Variants in RNF169 observed in about 807,000 individuals in gnomAD.
RNF169 encodes the protein E3 ubiquitin-protein ligase RNF169.
In RNF169, 24 loss-of-function variants were observed where a neutral mutation model predicts 53.9. That is an observed-to-expected ratio of 0.45 (90% CI 0.32 to 0.63). The LOEUF (loss-of-function observed/expected upper bound fraction) is 0.63. Among genes scored for constraint, RNF169 ranks in the 20% least tolerant of loss-of-function variants. RNF169 has a pLI of 0.04. For synonymous variants in RNF169, 396 were observed against 363.5 expected, an observed-to-expected ratio of 1.09 and a Z score of -1.02; for missense variants, 883 against 906.2, an observed-to-expected ratio of 0.97 and a Z score of 0.33.
rs1407979639 is a variant in RNF169 at position 74,842,004 on chromosome 11, A to AT, written c.*5274_*5275insT. 6.7e-6 allele frequency: 1 copy of AT among 149,620 alleles called. No individual in the cohort carries two copies. The highest frequency in any genetic ancestry group is 2.6e-5 in the African/African-American group (1 of 39,134). 9.3% of individuals were successfully genotyped at this position (149,620 alleles called of 1,614,324 possible). ...GAAAAAAATTTAAATGCCAACGAAT[A>AT]GTTTTTTTTTTTTTGAACCTGATAC... On this transcript the variant is annotated 3_prime_UTR_variant, in exon 6 of 6. Transcript: ENST00000299563.
Position 74,836,880 on chromosome 11 carries a change from C to A in RNF169, c.*150C>A. The A allele has an allele frequency of 1.6e-6, 1 of 638,658 alleles. No homozygotes were observed. Among genetic ancestry groups the A allele is most frequent in the Non-Finnish European group, 2.6e-6 (1 of 382,454 alleles). 39.6% of individuals were successfully genotyped at this position (638,658 alleles called of 1,614,324 possible). ...GTTCCAGGGCCTTTGTAGTCAATAT[C>A]CAAGGGAAAAGCATCTCCGTTTCTC... is the stretch of plus-strand genomic sequence containing the variant. On this transcript the variant is annotated 3_prime_UTR_variant, in exon 6 of 6. Transcript: ENST00000299563.
chr11:74,806,499 C>T (rs1201356102), intron 2 of RNF169, among the ~76,000 whole-genome samples: 2 of 152,012 alleles, frequency 1.3e-5, no homozygotes, highest in Admixed American at 1.3e-4. Flanking sequence ...ATACATATTC[C>T]GTAATATTTT....
chr11:74,798,809 G>A (rs570353897), intron 2 of RNF169, among the ~76,000 whole-genome samples: 251 of 152,096 alleles, frequency 1.7e-3, no homozygotes, highest in Non-Finnish European at 3.1e-3. Flanking sequence ...CAAGCTGGCC[G>A]ATGCTTAAGG....
At chr11:74,750,080 A>T (rs900823107) in intron 1 of RNF169, among the ~76,000 whole-genome samples, 1 of 152,174 alleles carries the variant, frequency 6.6e-6, no homozygotes, top group Non-Finnish European at 1.5e-5. Context: ...GGCTGCTTCT[A>T]TCTCCTTGGC....
chr11:74,753,078 C>T (rs1565167725), intron 1 of RNF169, among the ~76,000 whole-genome samples: 1 of 152,198 alleles, frequency 6.6e-6, no homozygotes, highest in Non-Finnish European at 1.5e-5. Flanking sequence ...AAGCGATTCT[C>T]CTGTCTCCAT....
At chr11:74,832,603 G>A (rs902951807) in intron 4 of RNF169, 5 of 152,100 alleles carry the variant, frequency 3.3e-5, no homozygotes, top group African/African-American at 1.2e-4. Context: ...GGAGCTCAGT[G>A]TCTTCCCAGG....
rs531889973 is a variant in RNF169 at position 74,788,785 on chromosome 11, G to A, written c.503-841G>A. Among the ~76,000 whole-genome samples the A allele has an allele frequency of 3.9e-5, 6 of 152,126 alleles. No individual in the cohort carries two copies. The South Asian group carries it at 1.2e-3, about 32-fold the overall frequency. Reference sequence around the variant, plus strand: ...CCTTATTAATTTTTGCTGTGTTGTAGGTTCATACAGGTTTTATTGTTACAT... The same window carrying A: ...CCTTATTAATTTTTGCTGTGTTGTAAGTTCATACAGGTTTTATTGTTACAT... On this transcript the variant is annotated intron_variant, in intron 1 of 5. Coordinates refer to ENST00000299563, the MANE Select transcript of RNF169 (RefSeq NM_001098638.2).
At chr11:74,795,892 T>C (rs2035642564) in intron 2 of RNF169, among the ~76,000 whole-genome samples, 1 of 152,182 alleles carries the variant, frequency 6.6e-6, no homozygotes. Context: ...CATGGTTTTG[T>C]TGGATGTTAA....
chr11:74,752,987 G>A (rs2034923764), intron 1 of RNF169, among the ~76,000 whole-genome samples: 1 of 151,950 alleles, frequency 6.6e-6, no homozygotes, highest in Admixed American at 6.6e-5. Context: ...TTTATTTTTT[G>A]AGACAGAGTC....
intron 1 of RNF169, among the ~76,000 whole-genome samples, chr11:74,775,026 T>G (rs988839869): frequency 6.6e-6 from 1 of 152,086 alleles, no homozygotes. Context: ...TTTAGACAAT[T>G]CTTTGGAGGA....
Position 74,817,149 on chromosome 11 carries a change from C to T in RNF169, c.724-447C>T, listed in dbSNP as rs183177798. Among the ~76,000 whole-genome samples, 32 of 152,254 alleles carry T rather than the reference C, an allele frequency of 2.1e-4. No homozygotes were observed. The East Asian group carries it at 5.8e-3, about 28-fold the overall frequency. ...GAGACTAATGCTCTTAATTTAAGAA[C>T]TAGTTTTATCCATGTATTAACCCTG... On this transcript the variant is annotated intron_variant, in intron 3 of 5. Coordinates refer to ENST00000299563, the MANE Select transcript of RNF169 (RefSeq NM_001098638.2).
At position 74,786,218 on chromosome 11, in the gene RNF169, C is replaced by T. The variant is rs184026489; in HGVS notation, c.503-3408C>T. Among the ~76,000 whole-genome samples the T allele has an allele frequency of 1.0e-4, 15 of 149,610 alleles. No homozygotes were observed. In the East Asian group the frequency reaches 2.4e-3, roughly 24 times the overall value. ...CCTCCCAAAGTGCTGGGATTACAGGCGTGAGCCACTGTGCCTGGCCTGTTT... is the reference window on the plus strand; with the variant it reads ...CCTCCCAAAGTGCTGGGATTACAGGTGTGAGCCACTGTGCCTGGCCTGTTT... On this transcript the variant is annotated intron_variant, in intron 1 of 5. Coordinates refer to ENST00000299563, the MANE Select transcript of RNF169 (RefSeq NM_001098638.2).
At chr11:74,828,353 T>C (rs2036129326) in intron 4 of RNF169, among the ~76,000 whole-genome samples, 5 of 152,192 alleles carry the variant, frequency 3.3e-5, no homozygotes, top group Admixed American at 3.3e-4. Flanking sequence ...TGGAAAAACA[T>C]TGCATGCTCA....
intron 2 of RNF169, among the ~76,000 whole-genome samples, chr11:74,802,301 G>T (rs902136754): frequency 1.3e-5 from 2 of 152,290 alleles, no homozygotes; most frequent in Middle Eastern, 3.4e-3. Context: ...CACCACAATA[G>T]GTATGGTTTG....
rs1463489588 is a variant in RNF169 at position 74,829,402 on chromosome 11, A to G, written c.843-5274A>G. On this transcript the variant is annotated intron_variant, in intron 4 of 5. Coordinates refer to ENST00000299563, the MANE Select transcript of RNF169 (RefSeq NM_001098638.2). The stretch of plus-strand genomic sequence containing the variant: ...CTTCTACATTGTTGGTGGGAGTGCA[A>G]ATTAGTTCAACCATTGTGGAAGACA... Among the ~76,000 whole-genome samples the G allele has an allele frequency of 2.0e-5, 3 of 152,156 alleles. No homozygotes were observed. The East Asian group carries it at 5.8e-4, about 29-fold the overall frequency.
chr11:74,787,646 T>TA (rs1356609297), intron 1 of RNF169, among the ~76,000 whole-genome samples: 2 of 151,978 alleles, frequency 1.3e-5, no homozygotes, highest in African/African-American at 2.4e-5. Flanking sequence ...ACCTCATCTC[T>TA]AAAAAAAGTG....
Position 74,833,505 on chromosome 11 carries a change from G to A in RNF169, c.843-1171G>A, listed in dbSNP as rs530016886. On this transcript the variant is annotated intron_variant, in intron 4 of 5. Coordinates refer to ENST00000299563, the MANE Select transcript of RNF169 (RefSeq NM_001098638.2). ...CAACCCAGATCTCACTTCATCCCAGGTTATGAAGAACTCTCTCCTTTATGC... is the reference window on the plus strand; with the variant it reads ...CAACCCAGATCTCACTTCATCCCAGATTATGAAGAACTCTCTCCTTTATGC... Among the ~76,000 whole-genome samples, 5 of 152,208 alleles carry A rather than the reference G, an allele frequency of 3.3e-5. No individual in the cohort carries two copies. The East Asian group carries it at 9.7e-4, about 29-fold the overall frequency.
At chr11:74,758,354 C>G (rs2035018703) in intron 1 of RNF169, among the ~76,000 whole-genome samples, 1 of 146,944 alleles carries the variant, frequency 6.8e-6, no homozygotes, top group Non-Finnish European at 1.5e-5. Context: ...TTCCATTGAT[C>G]TATATCTCTG....
At chr11:74,808,743 C>T (rs2035836782) in intron 2 of RNF169, among the ~76,000 whole-genome samples, 1 of 152,316 alleles carries the variant, frequency 6.6e-6, no homozygotes, top group Middle Eastern at 3.4e-3. Flanking sequence ...AAGTAAACCA[C>T]CCCTTTGTAT....
Sources: allele counts gnomAD v4.1 joint callset (sites outside exome capture counted in the v4.1 genomes callset), GRCh38; gene constraint gnomAD v4.1.1; transcripts MANE v1.5; gene names NCBI Gene and HGNC (gene_info 2026-07-23, HGNC 2026-07-21).